COL28A1: variants seen among roughly 807,000 people sequenced by gnomAD.
The protein encoded by COL28A1 is collagen type XXVIII alpha 1 chain.
In COL28A1, 161 loss-of-function variants were observed where a neutral mutation model predicts 150.2. The ratio of observed to expected loss-of-function variants is 1.07; its 90% CI spans 0.94 to 1.22. COL28A1 has a LOEUF of 1.22. Among genes scored for constraint, COL28A1 ranks in the 50% most tolerant of loss-of-function variants. The pLI, the probability that COL28A1 is intolerant of heterozygous loss-of-function variation, is 0.00. For missense variants in COL28A1, 1,617 were observed against 1,388.3 expected (o/e 1.16, Z -2.62); for synonymous variants, 552 against 469.7 (o/e 1.18, Z -2.26).
At chr7:7,419,371 C>T (rs1275515888) in intron 26 of COL28A1, among the ~76,000 whole-genome samples, 3 of 152,014 alleles carry the variant, frequency 2.0e-5, no homozygotes, top group Non-Finnish European at 4.4e-5. Flanking sequence ...TTGAGAAACA[C>T]TGGATTAAAA....
At chr7:7,493,342 C>T (rs1370269708) in intron 11 of COL28A1, among the ~76,000 whole-genome samples, 1 of 151,956 alleles carries the variant, frequency 6.6e-6, no homozygotes, top group Non-Finnish European at 1.5e-5. Context: ...AGGTTGGTGA[C>T]AAGAAATTGG....
intron 25 of COL28A1, among the ~76,000 whole-genome samples, chr7:7,426,657 A>G (rs1428856318): frequency 2.0e-5 from 3 of 152,228 alleles, no homozygotes; most frequent in African/African-American, 7.2e-5. Context: ...CAAATTATTT[A>G]AAGTATTTTC....
intron 19 of COL28A1, 84 bp downstream of exon 19, chr7:7,444,334 G>C: frequency 6.3e-7 from 1 of 1,575,820 alleles, no homozygotes; most frequent in Non-Finnish European, 8.6e-7. Context: ...TGTCCTGAAT[G>C]GTTTTATTCG....
chr7:7,487,428 A>G (rs1230038592), intron 13 of COL28A1, among the ~76,000 whole-genome samples: 1 of 152,130 alleles, frequency 6.6e-6, no homozygotes, highest in Non-Finnish European at 1.5e-5. Flanking sequence ...AACTACAAAA[A>G]TTAGCCAGGC....
chr7:7,396,973 T>C (rs1782869160), intron 27 of COL28A1, among the ~76,000 whole-genome samples: 1 of 152,150 alleles, frequency 6.6e-6, no homozygotes. Flanking sequence ...CAGCAAGGGT[T>C]TTCAGAACGG....
At chr7:7,448,474 T>C (rs1333568624) in intron 18 of COL28A1, among the ~76,000 whole-genome samples, 1 of 152,014 alleles carries the variant, frequency 6.6e-6, no homozygotes, top group Non-Finnish European at 1.5e-5. Context: ...GCAAAGATTT[T>C]TTTTTTGGAA....
At chr7:7,504,143 A>C (rs1780681284) in intron 11 of COL28A1, among the ~76,000 whole-genome samples, 2 of 152,234 alleles carry the variant, frequency 1.3e-5, no homozygotes, top group Non-Finnish European at 2.9e-5. Flanking sequence ...TGCACTGCTG[A>C]AATTAAAGGC....
intron 16 of COL28A1, among the ~76,000 whole-genome samples, chr7:7,454,623 C>T (rs1337120694): frequency 6.6e-6 from 1 of 152,106 alleles, no homozygotes; most frequent in African/African-American, 2.4e-5. Flanking sequence ...CGACAGGAAG[C>T]TGTAGGTAGG....
chr7:7,408,575 G>T (rs1783616056), intron 27 of COL28A1, among the ~76,000 whole-genome samples: 1 of 152,116 alleles, frequency 6.6e-6, no homozygotes, highest in Non-Finnish European at 1.5e-5. Flanking sequence ...AAAGAACTTG[G>T]TAAGTCTTTG....
intron 11 of COL28A1, among the ~76,000 whole-genome samples, chr7:7,498,571 T>C (rs1780344401): frequency 6.6e-6 from 1 of 152,186 alleles, no homozygotes; most frequent in Non-Finnish European, 1.5e-5. Flanking sequence ...TGTGAATGTA[T>C]TTAATACCAC....
At chr7:7,534,489 A>G (rs770426573) in intron 1 of COL28A1, among the ~76,000 whole-genome samples, 2 of 152,148 alleles carry the variant, frequency 1.3e-5, no homozygotes, top group Non-Finnish European at 2.9e-5. Flanking sequence ...GAATAACACC[A>G]TGGCCATGGT....
intron 27 of COL28A1, among the ~76,000 whole-genome samples, chr7:7,400,119 A>G (rs1475976192): frequency 6.6e-6 from 1 of 152,242 alleles, no homozygotes; most frequent in Non-Finnish European, 1.5e-5. Flanking sequence ...GTGAAAGGGC[A>G]AAGCCCCCTT....
chr7:7,461,685 T>C (rs1184129428), intron 15 of COL28A1, among the ~76,000 whole-genome samples: 1 of 152,070 alleles, frequency 6.6e-6, no homozygotes, highest in African/African-American at 2.4e-5. Flanking sequence ...TACAATTCCA[T>C]TGATCTGGGA....
intron 27 of COL28A1, among the ~76,000 whole-genome samples, chr7:7,383,522 A>G (rs1417831158): frequency 6.6e-6 from 1 of 151,510 alleles, no homozygotes; most frequent in Non-Finnish European, 1.5e-5. Context: ...TAGGTGATTC[A>G]CCTGCCTCGG....
At chr7:7,457,047 G>A (rs1239833941) in intron 15 of COL28A1, among the ~76,000 whole-genome samples, 6 of 152,164 alleles carry the variant, frequency 3.9e-5, no homozygotes, top group East Asian at 1.9e-4. Flanking sequence ...GAGACAGTGC[G>A]GGTGGAACCA....
intron 27 of COL28A1, among the ~76,000 whole-genome samples, chr7:7,406,379 C>G (rs949885489): frequency 6.6e-6 from 1 of 152,122 alleles, no homozygotes; most frequent in Non-Finnish European, 1.5e-5. Flanking sequence ...CTTATTCATT[C>G]AACAAATATT....
chr7:7,444,796 CA>C (rs1786123308), intron 18 of COL28A1, among the ~76,000 whole-genome samples: 4 of 152,118 alleles, frequency 2.6e-5, no homozygotes. Context: ...GAAGTCATTA[CA>C]GGGGGGCCCT....
Position 7,373,302 on chromosome 7 carries a change from C to G in COL28A1, c.2604G>C (p.Met868Ile). The change falls in exon 32 of 35, where the codon ATG (methionine) becomes ATC (isoleucine). Residue 868 changes from methionine (M) to isoleucine (I), a missense_variant. Physicochemically the swap from Met to Ile is conservative, Grantham distance 10. Transcript: ENST00000399429. The surrounding 1 kb of genome is among the most constrained non-coding windows in gnomAD (Gnocchi z 4.1). Reference sequence around the variant, plus strand: ...TGTATGTGCCTTCCCCCAGATACTGCATGTTGTCCACAGCCAACTTGAAGT... The same window carrying G: ...TGTATGTGCCTTCCCCCAGATACTGGATGTTGTCCACAGCCAACTTGAAGT... ...KDDFKLAVDNMQYLGEGTYTA... is the reference protein window; with the variant it reads ...KDDFKLAVDNIQYLGEGTYTA... The G allele has an allele frequency of 3.1e-6, 5 of 1,614,202 alleles. No individual in the cohort carries two copies. Among genetic ancestry groups the G allele is most frequent in the Non-Finnish European group, 3.4e-6 (4 of 1,180,034 alleles).
chr7:7,438,642 T>C (rs1397215106), intron 21 of COL28A1, among the ~76,000 whole-genome samples: 1 of 151,920 alleles, frequency 6.6e-6, no homozygotes, highest in African/African-American at 2.4e-5. Context: ...TCTATATTTT[T>C]ATCTCATCAA....
Sources: allele counts gnomAD v4.1 joint callset (sites outside exome capture counted in the v4.1 genomes callset), GRCh38; gene constraint gnomAD v4.1.1; non-coding constraint Gnocchi (gnomAD v3.1); transcripts MANE v1.5; gene names NCBI Gene and HGNC (gene_info 2026-07-23, HGNC 2026-07-21).